ARHGAP44: variants seen among roughly 807,000 people sequenced by gnomAD.
ARHGAP44 encodes the protein Rho GTPase activating protein 44.
Under a neutral mutation model 106.8 loss-of-function variants are expected in ARHGAP44, and 43 were observed. That is an observed-to-expected ratio of 0.40 (90% CI 0.32 to 0.52). The LOEUF (loss-of-function observed/expected upper bound fraction) is 0.52, where lower values mean the gene tolerates loss of function less well. Among genes scored for constraint, ARHGAP44 ranks in the 20% least tolerant of loss-of-function variants. ARHGAP44 has a pLI of 0.48. For missense variants in ARHGAP44, 866 were observed against 1,050.5 expected (o/e 0.82, Z 2.43); for synonymous variants, 439 against 410.3 (o/e 1.07, Z -0.85).
intron 1 of ARHGAP44, among the ~76,000 whole-genome samples, chr17:12,818,147 A>C (rs189529314): frequency 4.6e-5 from 7 of 152,130 alleles, no homozygotes; most frequent in Admixed American, 3.3e-4. Flanking sequence ...ATTATGACCA[A>C]GTGAGGTTTA....
intron 1 of ARHGAP44, among the ~76,000 whole-genome samples, chr17:12,881,396 T>C (rs1011896919): frequency 2.0e-5 from 3 of 152,090 alleles, no homozygotes; most frequent in Non-Finnish European, 4.4e-5. Flanking sequence ...GGATAAACAG[T>C]TGACCCAGCA....
At position 12,943,700 on chromosome 17, in the gene ARHGAP44, G is replaced by A. The variant is rs747818120; in HGVS notation, c.733+31G>A. On this transcript the variant is annotated intron_variant, in intron 9 of 20. Transcript: ENST00000379672. ...TGCAGGCCTTCCCTGGAGAAGGGAGGGCCGGGGTGCCTGCTTGCCTTCCCG... is the reference window on the plus strand; with the variant it reads ...TGCAGGCCTTCCCTGGAGAAGGGAGAGCCGGGGTGCCTGCTTGCCTTCCCG... The A allele has an allele frequency of 2.5e-6, 4 of 1,608,596 alleles. No homozygotes were observed. In the South Asian group the frequency reaches 3.3e-5, roughly 13 times the overall value.
intron 4 of ARHGAP44, among the ~76,000 whole-genome samples, chr17:12,913,391 G>T (rs1209100613): frequency 6.6e-6 from 1 of 152,000 alleles, no homozygotes; most frequent in East Asian, 1.9e-4. Context: ...AAATAAGTGT[G>T]CAGGGAAACC....
intron 1 of ARHGAP44, among the ~76,000 whole-genome samples, chr17:12,835,606 C>CACATTGCCAA (rs75511628): frequency 0.17 from 25,906 of 151,972 alleles, 3,403 homozygotes; most frequent in African/African-American, 0.37. Context: ...GTGGCATGGT[C>CACATTGCCAA]ACAATTGCTG....
intron 5 of ARHGAP44, 42 bp downstream of exon 5, chr17:12,916,053 G>A: frequency 1.3e-6 from 2 of 1,491,350 alleles, no homozygotes; most frequent in Non-Finnish European, 9.3e-7. Context: ...GAGCAAGGAG[G>A]TACCGAACAG....
At chr17:12,952,722 C>G (rs80107298) in intron 13 of ARHGAP44, 141 bp downstream of exon 13, 1 of 304,792 alleles carries the variant, frequency 3.3e-6, no homozygotes, top group Non-Finnish European at 6.0e-6. Flanking sequence ...TGCATGGTCT[C>G]TTTTTTTTTT....
rs2038696020 is a variant in ARHGAP44, at chr17:12,941,104, T to C, written c.631T>C (p.Tyr211His). The C allele has an allele frequency of 6.2e-7, 1 of 1,613,902 alleles. No individual in the cohort carries two copies. Among genetic ancestry groups the C allele is most frequent in the East Asian group, 2.2e-5 (1 of 44,892 alleles). Reference sequence around the variant, plus strand: ...CAGTTTTGTGGCCAAAGAAATTGACTATGCAAACTACTTTCAAACGGTAAG... The same window carrying C: ...CAGTTTTGTGGCCAAAGAAATTGACCATGCAAACTACTTTCAAACGGTAAG... The part of the protein sequence containing the change: ...MYSFVAKEID[Y>H]ANYFQTLIEV... The change falls in exon 8 of 21, where the codon TAT becomes CAT. Residue 211 changes from tyrosine (Y) to histidine (H), a missense_variant. Tyr to His is a moderately conservative substitution (Grantham distance 83). This residue lies in a region of ARHGAP44 where 448 missense variants were observed against 646.9 expected (regional missense o/e 0.69). Transcript: ENST00000379672.
At chr17:12,891,443 A>G (rs1439378091) in intron 1 of ARHGAP44, among the ~76,000 whole-genome samples, 1 of 152,240 alleles carries the variant, frequency 6.6e-6, no homozygotes, top group Non-Finnish European at 1.5e-5. Flanking sequence ...AAGTCATCAC[A>G]TGGGCAGGAG....
At position 12,795,322 on chromosome 17, in the gene ARHGAP44, T is replaced by C. The variant is rs75756749; in HGVS notation, c.53+5431T>C. Among the ~76,000 whole-genome samples the C allele has an allele frequency of 3.6e-3, 552 of 152,346 alleles. 7 individuals carry two copies. The highest frequency in any genetic ancestry group is 0.013 in the African/African-American group (522 of 41,582). ...AATCTGGAGAGAATATTCTTTGCTC[T>C]TATCTTCTAAGATCCTCACTGTGTG... On this transcript the variant is annotated intron_variant, in intron 1 of 20. Coordinates refer to ENST00000379672, the MANE Select transcript of ARHGAP44 (RefSeq NM_014859.6).
At chr17:12,951,149 A>G (rs2038982440) in intron 12 of ARHGAP44, among the ~76,000 whole-genome samples, 1 of 152,226 alleles carries the variant, frequency 6.6e-6, no homozygotes, top group South Asian at 2.1e-4. Flanking sequence ...GTTTCATGAC[A>G]TTAATAATTA....
rs1213325834 is a variant in ARHGAP44 at position 12,931,841 on chromosome 17, T to TACACACAAACACACACAC, written c.582+2802_582+2803insAACACACACACACACACA. Among the ~76,000 whole-genome samples the TACACACAAACACACACAC allele has an allele frequency of 6.6e-4, 96 of 146,412 alleles. No individual in the cohort carries two copies. The South Asian group carries it at 0.01, about 16-fold the overall frequency. On this transcript the variant is annotated intron_variant, in intron 7 of 20. Coordinates refer to ENST00000379672, the MANE Select transcript of ARHGAP44 (RefSeq NM_014859.6). ...ATTGCATGATATTCCACAGTAGGGATACACACACACACACACACACACACA... is the reference window on the plus strand; with the variant it reads ...ATTGCATGATATTCCACAGTAGGGATACACACAAACACACACACACACACACACACACACACACACACA...
At chr17:12,803,309 G>A (rs2034177996) in intron 1 of ARHGAP44, among the ~76,000 whole-genome samples, 1 of 151,770 alleles carries the variant, frequency 6.6e-6, no homozygotes, top group South Asian at 2.1e-4. Flanking sequence ...GTTTCACTGT[G>A]TTGGCCAGAC....
intron 1 of ARHGAP44, among the ~76,000 whole-genome samples, chr17:12,880,610 A>C (rs2036698904): frequency 6.6e-6 from 1 of 151,866 alleles, no homozygotes. Context: ...ACATTATGTG[A>C]ATATATTCCA....
intron 1 of ARHGAP44, among the ~76,000 whole-genome samples, chr17:12,880,518 C>G (rs1026102453): frequency 1.3e-5 from 2 of 151,862 alleles, no homozygotes; most frequent in African/African-American, 4.8e-5. Context: ...TTATTTTTTT[C>G]CAATCAACAT....
At chr17:12,915,841 A>C in intron 4 of ARHGAP44, 59 bp from the exon 5 acceptor site, 1 of 1,442,846 alleles carries the variant, frequency 6.9e-7, no homozygotes, top group Non-Finnish European at 9.6e-7. Context: ...GGGGAGGGTA[A>C]CGCCAGTGAA....
At chr17:12,979,898 G>A (rs2039787481) in intron 18 of ARHGAP44, among the ~76,000 whole-genome samples, 160 bp from the exon 19 acceptor site, 1 of 152,208 alleles carries the variant, frequency 6.6e-6, no homozygotes, top group Admixed American at 6.5e-5. Context: ...GTCACCCCAA[G>A]GGGCACCTGC....
chr17:12,799,542 A>G (rs1285783227), intron 1 of ARHGAP44, among the ~76,000 whole-genome samples: 1 of 152,088 alleles, frequency 6.6e-6, no homozygotes, highest in Non-Finnish European at 1.5e-5. Context: ...TTCACTTTTC[A>G]TGGGCCAGTA....
chr17:12,983,755 G>A (rs538337998), intron 19 of ARHGAP44, among the ~76,000 whole-genome samples: 5 of 152,156 alleles, frequency 3.3e-5, no homozygotes, highest in Middle Eastern at 6.8e-3. Context: ...GGTGAGCGGC[G>A]ATCGCGCCAT....
intron 4 of ARHGAP44, among the ~76,000 whole-genome samples, chr17:12,909,633 C>T (rs935119329): frequency 2.0e-5 from 3 of 152,030 alleles, no homozygotes; most frequent in Admixed American, 6.6e-5. Flanking sequence ...GTAGAGCCGC[C>T]ACCCAGAATG....
Sources: gnomAD v4.1 joint callset for allele counts (sites outside exome capture counted in the v4.1 genomes callset) on GRCh38, gnomAD v4.1.1 for gene constraint, gnomAD v4.1.1 regional missense constraint, MANE v1.5 for transcripts, NCBI Gene and HGNC (gene_info 2026-07-23, HGNC 2026-07-21) for gene names.